TMEM135: variants seen among roughly 807,000 people sequenced by gnomAD.
The protein encoded by TMEM135 is transmembrane protein 135, also known as peroxisomal membrane protein 52.
TMEM135 carries 30 observed loss-of-function variants against 60.3 expected under a neutral mutation model. The ratio of observed to expected loss-of-function variants is 0.50; its 90% CI spans 0.37 to 0.68. The LOEUF is 0.68. Ranked by LOEUF, TMEM135 falls within the 30% of genes least tolerant of loss-of-function variation. TMEM135 has a pLI of 0.00. For missense variants in TMEM135, 468 were observed against 548.8 expected (o/e 0.85, Z 1.47); for synonymous variants, 190 against 186.7 (o/e 1.02, Z -0.14).
At position 87,321,628 on chromosome 11, in the gene TMEM135, G is replaced by A. The variant is rs1479241993; in HGVS notation, c.*295G>A. On this transcript the variant is annotated 3_prime_UTR_variant, in exon 15 of 15. Coordinates refer to ENST00000305494, the MANE Select transcript of TMEM135 (RefSeq NM_022918.4). Reference sequence around the variant, plus strand: ...GCAATATTATATAATCTACGTAGAAGTGTAATAACAAACAAGAGTACACTT... The same window carrying A: ...GCAATATTATATAATCTACGTAGAAATGTAATAACAAACAAGAGTACACTT... The A allele has an allele frequency of 1.8e-6, 1 of 546,022 alleles. No individual in the cohort carries two copies. The highest frequency in any genetic ancestry group is 1.9e-5 in the African/African-American group (1 of 53,400). The allele number at this position is 546,022 out of a possible 1,614,324, so 33.8% of individuals were successfully genotyped here.
chr11:87,188,043 C>T (rs471753), intron 5 of TMEM135, among the ~76,000 whole-genome samples: 19,737 of 152,148 alleles, frequency 0.13, 1,342 homozygotes, highest in Non-Finnish European at 0.15. Context: ...TCAGAATTCC[C>T]ACTTACAAGT....
chr11:87,272,763 C>A (rs1347117793), intron 6 of TMEM135, among the ~76,000 whole-genome samples: 1 of 152,142 alleles, frequency 6.6e-6, no homozygotes, highest in Non-Finnish European at 1.5e-5. Flanking sequence ...TACCCAGCAT[C>A]CAGCACTGTA....
chr11:87,161,909 A>G (rs1053520665), intron 5 of TMEM135, among the ~76,000 whole-genome samples: 1 of 152,194 alleles, frequency 6.6e-6, no homozygotes, highest in African/African-American at 2.4e-5. Context: ...ACAGTTCTAT[A>G]TTCCTGACAT....
rs1565173952 is a variant in TMEM135, at chr11:87,324,416, G to GT, written c.*3084dup. 1 of 453,792 alleles carries GT rather than the reference G, an allele frequency of 2.2e-6. No homozygotes were observed. Among genetic ancestry groups the GT allele is most frequent in the Non-Finnish European group, 4.4e-6 (1 of 226,704 alleles). The allele number at this position is 453,792 out of a possible 1,614,324, so 28.1% of individuals were successfully genotyped here. ...AGCCCAGAGATTCCTTAAATTCTCCGTGTGATTTATTTTTTTATTTTTTGA... is the reference window on the plus strand; with the variant it reads ...AGCCCAGAGATTCCTTAAATTCTCCGTTGTGATTTATTTTTTTATTTTTTGA... On this transcript the variant is annotated 3_prime_UTR_variant, in exon 15 of 15. Coordinates refer to ENST00000305494, the MANE Select transcript of TMEM135 (RefSeq NM_022918.4).
chr11:87,127,434 A>G (rs1937765429), intron 4 of TMEM135, among the ~76,000 whole-genome samples: 1 of 152,142 alleles, frequency 6.6e-6, no homozygotes, highest in Non-Finnish European at 1.5e-5. Context: ...AGTATCTGGA[A>G]CGTCACTTTT....
chr11:87,172,434 T>C (rs886381462), intron 5 of TMEM135, among the ~76,000 whole-genome samples: 1 of 151,920 alleles, frequency 6.6e-6, no homozygotes, highest in Non-Finnish European at 1.5e-5. Flanking sequence ...TTTTTTTTTT[T>C]ACCTACTTTT....
intron 2 of TMEM135, among the ~76,000 whole-genome samples, chr11:87,069,817 TAC>T (rs1203035713): frequency 6.6e-6 from 1 of 152,168 alleles, no homozygotes; most frequent in Non-Finnish European, 1.5e-5. Flanking sequence ...TGTCAAAAAA[TAC>T]CCAAGTTACA....
chr11:87,125,938 G>A (rs1267936484), intron 4 of TMEM135, among the ~76,000 whole-genome samples: 1 of 152,136 alleles, frequency 6.6e-6, no homozygotes. Context: ...TGATTTTACT[G>A]TTTTAACAAA....
Position 87,038,127 on chromosome 11 carries a change from C to G in TMEM135, c.82C>G (p.Leu28Val). 1 of 1,614,194 alleles carries G rather than the reference C, an allele frequency of 6.2e-7. No individual in the cohort carries two copies. The highest frequency in any genetic ancestry group is 8.5e-7 in the Non-Finnish European group (1 of 1,180,044). Residue 28 changes from leucine (L) to valine (V), a missense_variant, in exon 1 of 15, where the codon CTG becomes GTG. Physicochemically the swap from Leu to Val is conservative, Grantham distance 32 (BLOSUM62 1). Coordinates refer to ENST00000305494, the MANE Select transcript of TMEM135 (RefSeq NM_022918.4). ...TWHPSCRVSF[L>V]QITGGALEES... ...GCACCCTTCCTGCCGGGTCTCCTTCCTGCAGATCACCGGGGGCGCCCTGGA... is the reference window on the plus strand; with the variant it reads ...GCACCCTTCCTGCCGGGTCTCCTTCGTGCAGATCACCGGGGGCGCCCTGGA...
chr11:87,106,937 T>C (rs1041927184), intron 4 of TMEM135, among the ~76,000 whole-genome samples: 1 of 152,130 alleles, frequency 6.6e-6, no homozygotes, highest in Admixed American at 6.5e-5. Flanking sequence ...AGCCAGCATG[T>C]CACGTGGTGA....
chr11:87,046,069 GATAAAA>G (rs1158302732), intron 1 of TMEM135, among the ~76,000 whole-genome samples: 1 of 152,146 alleles, frequency 6.6e-6, no homozygotes, highest in African/African-American at 2.4e-5. Flanking sequence ...ATAAGGTACA[GATAAAA>G]ATAAAAGTAA....
intron 4 of TMEM135, among the ~76,000 whole-genome samples, chr11:87,131,234 C>T (rs1937919436): frequency 6.6e-6 from 1 of 152,146 alleles, no homozygotes; most frequent in Admixed American, 6.5e-5. Context: ...TTATAGTTTA[C>T]ATTAGGGATA....
At chr11:87,053,848 T>G (rs1949866204) in intron 1 of TMEM135, among the ~76,000 whole-genome samples, 1 of 152,246 alleles carries the variant, frequency 6.6e-6, no homozygotes, top group African/African-American at 2.4e-5. Context: ...AATTACTCAC[T>G]AATCTTAGTT....
chr11:87,230,236 C>G (rs1357093658), intron 5 of TMEM135, among the ~76,000 whole-genome samples: 1 of 151,954 alleles, frequency 6.6e-6, no homozygotes, highest in Non-Finnish European at 1.5e-5. Flanking sequence ...TGTAATTGGC[C>G]TCTTTCACTT....
chr11:87,289,088 A>G (rs1942217811), intron 6 of TMEM135, among the ~76,000 whole-genome samples: 1 of 152,242 alleles, frequency 6.6e-6, no homozygotes, highest in Admixed American at 6.5e-5. Flanking sequence ...AATCACAGAC[A>G]TGCAATGGAA....
At chr11:87,260,498 A>G (rs982213540) in intron 6 of TMEM135, among the ~76,000 whole-genome samples, 1 of 151,852 alleles carries the variant, frequency 6.6e-6, no homozygotes, top group Non-Finnish European at 1.5e-5. Context: ...TATAATCATT[A>G]AAATTCCGGT....
At chr11:87,172,362 G>A (rs1179844313) in intron 5 of TMEM135, among the ~76,000 whole-genome samples, 3 of 151,396 alleles carry the variant, frequency 2.0e-5, no homozygotes, top group African/African-American at 4.8e-5. Flanking sequence ...AAAGATTTTT[G>A]TATGTAAAGT....
chr11:87,205,483 A>G (rs985890511), intron 5 of TMEM135, among the ~76,000 whole-genome samples: 1 of 152,178 alleles, frequency 6.6e-6, no homozygotes, highest in Non-Finnish European at 1.5e-5. Context: ...TGGATAATGT[A>G]TATATTCTAG....
chr11:87,300,669 A>G (rs1008815456), intron 7 of TMEM135, among the ~76,000 whole-genome samples: 13 of 152,182 alleles, frequency 8.5e-5, no homozygotes, highest in African/African-American at 2.9e-4. Context: ...CATTCATTCA[A>G]TATGTATTAA....
Sources: gnomAD v4.1 joint callset for allele counts (sites outside exome capture counted in the v4.1 genomes callset) on GRCh38, gnomAD v4.1.1 for gene constraint, MANE v1.5 for transcripts, NCBI Gene and HGNC (gene_info 2026-07-23, HGNC 2026-07-21) for gene names.